Variants in FCRL5 observed in about 807,000 individuals in gnomAD.
The protein encoded by FCRL5 is Fc receptor like 5.
In FCRL5, 79 loss-of-function variants were observed where a neutral mutation model predicts 92.1. The ratio of observed to expected loss-of-function variants is 0.86; its 90% CI spans 0.72 to 1.03. The LOEUF is 1.03. Among genes scored for constraint, FCRL5 ranks in the 50% least tolerant of loss-of-function variants. FCRL5 has a pLI of 0.00. For missense variants in FCRL5, 1,160 were observed against 1,181.1 expected, an observed-to-expected ratio of 0.98 and a Z score of 0.26; for synonymous variants, 466 against 469.3, an observed-to-expected ratio of 0.99 and a Z score of 0.09.
At chr1:157,530,418 G>A (rs1186837246) in intron 8 of FCRL5, among the ~76,000 whole-genome samples, 8 of 152,300 alleles carry the variant, frequency 5.3e-5, no homozygotes, top group African/African-American at 1.9e-4. Context: ...CCAGGCTGGA[G>A]TGCAATGGCG....
intron 10 of FCRL5, chr1:157,522,280 T>C (rs1346348197): frequency 6.6e-6 from 1 of 152,250 alleles, no homozygotes; most frequent in Admixed American, 6.5e-5. Context: ...CAAACATTCA[T>C]GTGTTCTTTC....
At position 157,521,061 on chromosome 1, in the gene FCRL5, C is replaced by T; in HGVS notation, c.2471G>A (p.Gly824Asp). 1 of 1,613,732 alleles carries T rather than the reference C, an allele frequency of 6.2e-7. No homozygotes were observed. The highest frequency in any genetic ancestry group is 8.5e-7 in the Non-Finnish European group (1 of 1,179,850). The part of the protein sequence containing the change: ...SGNYSCEADN[G>D]LGAQRSETVT... ...TGTCTCACTGCGCTGGGCCCCGAGG[C>T]CATTGTCGGCCTCACAGGAGTAGTT... The change falls in exon 11 of 17, where the codon GGC becomes GAC. Residue 824 changes from glycine (G) to aspartate (D), a missense_variant. By Grantham distance (94) the Gly-to-Asp change is moderately conservative. Transcript: ENST00000361835.
chr1:157,519,905 G>T, intron 12 of FCRL5, 135 bp from the exon 13 acceptor site: 1 of 913,524 alleles, frequency 1.1e-6, no homozygotes, highest in Non-Finnish European at 1.7e-6. Flanking sequence ...TTATGCCCCA[G>T]GGAGGTAGCA....
chr1:157,542,705 C>G (rs555551280), intron 6 of FCRL5, 154 bp downstream of exon 6: 42 of 915,564 alleles, frequency 4.6e-5, no homozygotes, highest in Admixed American at 2.6e-4. Context: ...AAGAGGCAGA[C>G]AGCTGGTTCA....
At chr1:157,529,479 A>G (rs1650588429) in intron 8 of FCRL5, among the ~76,000 whole-genome samples, 1 of 152,220 alleles carries the variant, frequency 6.6e-6, no homozygotes. Context: ...TCATTATATG[A>G]AAAAGACACT....
intron 8 of FCRL5, chr1:157,533,766 T>C (rs2101621295): frequency 6.6e-6 from 1 of 151,466 alleles, no homozygotes; most frequent in Non-Finnish European, 1.5e-5. Context: ...GGATGCAGAA[T>C]GAGTGAAGTC....
intron 10 of FCRL5, among the ~76,000 whole-genome samples, chr1:157,523,266 A>G (rs1037765542): frequency 2.0e-5 from 3 of 152,198 alleles, no homozygotes; most frequent in African/African-American, 7.2e-5. Context: ...TTTCTCCAGG[A>G]TATATTCCAG....
In FCRL5 at chr1:157,514,172, T is replaced by C. The variant is rs1478198136; in HGVS notation, c.*1503A>G. 6.6e-6 allele frequency: 1 copy of C among 152,238 alleles called. No individual in the cohort carries two copies. Among genetic ancestry groups the C allele is most frequent in the Non-Finnish European group, 1.5e-5 (1 of 68,058 alleles). The allele number at this position is 152,238 out of a possible 1,614,324, so 9.4% of individuals were successfully genotyped here. Reference sequence around the variant, plus strand: ...TCCAATGCCCTTGGAAGGATTTTATTTCAGGGCCGTGGGGCTTAAAAGTCA... The same window carrying C: ...TCCAATGCCCTTGGAAGGATTTTATCTCAGGGCCGTGGGGCTTAAAAGTCA... On this transcript the variant is annotated 3_prime_UTR_variant, in exon 17 of 17. Transcript: ENST00000361835.
chr1:157,521,580 C>A (rs755390590), intron 10 of FCRL5: 7 of 271,520 alleles, frequency 2.6e-5, no homozygotes, highest in Non-Finnish European at 4.8e-5. Context: ...GACAACCATA[C>A]AATACTATTC....
intron 3 of FCRL5, among the ~76,000 whole-genome samples, chr1:157,545,695 A>G (rs1362669738): frequency 2.0e-5 from 3 of 151,742 alleles, no homozygotes; most frequent in East Asian, 3.9e-4. Flanking sequence ...AGCCCGGCTA[A>G]TTTTTTGTAT....
chr1:157,534,201 C>G (rs1650827489), intron 8 of FCRL5: 2 of 492,142 alleles, frequency 4.1e-6, no homozygotes, highest in Non-Finnish European at 7.6e-6. Flanking sequence ...GCAGCTTTCT[C>G]CAAATCTACC....
intron 8 of FCRL5, chr1:157,533,777 T>C (rs1650808092): frequency 6.7e-6 from 1 of 149,542 alleles, no homozygotes; most frequent in Non-Finnish European, 1.5e-5. Flanking sequence ...GAGTGAAGTC[T>C]AGAAGCTTCC....
chr1:157,551,751 T>C (rs939807413), intron 1 of FCRL5, among the ~76,000 whole-genome samples: 1 of 152,260 alleles, frequency 6.6e-6, no homozygotes, highest in African/African-American at 2.4e-5. Context: ...GATAGAGACT[T>C]ACGTACACCC....
In FCRL5 at chr1:157,518,461, A is replaced by G; in HGVS notation, c.2780T>C (p.Val927Ala). ...TTTCTTTTTCTCTTGGATGATCCGT[A>G]CTTCTGAGTAAACCACATTTTCTCC... ...PRGENVVYSEVRIIQEKKKHA... is the reference protein window; with the variant it reads ...PRGENVVYSEARIIQEKKKHA... The change falls in exon 15 of 17, where the codon GTA becomes GCA. Residue 927 changes from valine to alanine, a missense_variant. Physicochemically the swap from Val to Ala is moderately conservative, Grantham distance 64. Transcript: ENST00000361835. 6.2e-7 allele frequency: 1 copy of G among 1,614,194 alleles called. No individual in the cohort carries two copies. The highest frequency in any genetic ancestry group is 8.5e-7 in the Non-Finnish European group (1 of 1,180,012).
intron 13 of FCRL5, 68 bp downstream of exon 13, chr1:157,519,675 G>T: frequency 6.5e-7 from 1 of 1,537,130 alleles, no homozygotes; most frequent in Non-Finnish European, 9.0e-7. Flanking sequence ...GTAATCATCA[G>T]ATTCAATTCC....
In FCRL5 at chr1:157,529,595, A is replaced by G. The variant is rs796225175; in HGVS notation, c.1682-1700T>C. Among the ~76,000 whole-genome samples the G allele has an allele frequency of 1.4e-3, 202 of 139,856 alleles. 2 individuals are homozygous for G. Among genetic ancestry groups the G allele is most frequent in the Middle Eastern group, 0.011 (3 of 278 alleles). The allele number at this position is 139,856 out of a possible 152,430, so 91.8% of individuals were successfully genotyped here. On this transcript the variant is annotated intron_variant, in intron 8 of 16. Transcript: ENST00000361835. ...GATAAAGAAAATGTGATACATACGC[A>G]TGTGTGTGTGTGTGTGTGTGTACAC... is the stretch of plus-strand genomic sequence containing the variant.
chr1:157,527,920 C>T (rs748077603), intron 8 of FCRL5, 25 bp from the exon 9 acceptor site: 2 of 1,518,712 alleles, frequency 1.3e-6, no homozygotes, highest in East Asian at 4.5e-5. Context: ...GAGTTAGGGA[C>T]ACATGTATTT....
At chr1:157,540,899 AATTC>A (rs1651230000) in intron 6 of FCRL5, among the ~76,000 whole-genome samples, 1 of 152,214 alleles carries the variant, frequency 6.6e-6, no homozygotes, top group Non-Finnish European at 1.5e-5. Flanking sequence ...TCATCTAAGC[AATTC>A]ATTGAGGTGG....
At chr1:157,540,298 A>AAAG (rs147282238) in intron 6 of FCRL5, among the ~76,000 whole-genome samples, 13,246 of 152,106 alleles carry the variant, frequency 0.087, 1,537 homozygotes, top group African/African-American at 0.27. Flanking sequence ...TGTTGCTCTC[A>AAAG]AAGAATTCCC....
Sources: allele counts gnomAD v4.1 joint callset (sites outside exome capture counted in the v4.1 genomes callset), GRCh38; gene constraint gnomAD v4.1.1; transcripts MANE v1.5; gene names NCBI Gene and HGNC (gene_info 2026-07-23, HGNC 2026-07-21).